The following UBE2E3 variants were observed in gnomAD, a reference collection of about 807,000 sequenced individuals.
UBE2E3 encodes ubiquitin conjugating enzyme E2 E3.
A neutral mutation model predicts 23.6 loss-of-function variants in UBE2E3; 5 were observed. The observed-to-expected ratio is 0.21, with a 90% CI of 0.11 to 0.44. UBE2E3 has a LOEUF of 0.44. Among genes scored for constraint, UBE2E3 ranks in the 20% least tolerant of loss-of-function variants. UBE2E3 has a pLI of 0.99. For missense variants in UBE2E3, 81 were observed against 249.8 expected (o/e 0.32, Z 4.55); for synonymous variants, 78 against 87.5 (o/e 0.89, Z 0.60).
chr2:180,985,688 A>G (rs1684440812), intron 3 of UBE2E3, among the ~76,000 whole-genome samples: 1 of 152,172 alleles, frequency 6.6e-6, no homozygotes, highest in African/African-American at 2.4e-5. Flanking sequence ...TGGAAGAATC[A>G]CTTAACTTGC....
At chr2:181,039,312 C>A (rs566160447) in intron 3 of UBE2E3, among the ~76,000 whole-genome samples, 1 of 151,948 alleles carries the variant, frequency 6.6e-6, no homozygotes, top group East Asian at 1.9e-4. Flanking sequence ...TACTTCAAAG[C>A]TGATTAAAAA....
rs538429255 is a variant in UBE2E3, at chr2:181,054,440, T to C, written c.246-3253T>C. Among the ~76,000 whole-genome samples, 3 of 151,954 alleles carry C rather than the reference T, an allele frequency of 2.0e-5. No homozygotes were observed. The South Asian group carries it at 6.2e-4, about 31-fold the overall frequency. ...TGGATTTGGGCCATTCTAATAGGTG[T>C]GTAGTGGCATGCTTTTCTTGTTTTA... On this transcript the variant is annotated intron_variant, in intron 3 of 5. Coordinates refer to ENST00000410062, the MANE Select transcript of UBE2E3 (RefSeq NM_006357.4).
At chr2:181,027,002 AATT>A (rs1367115090) in intron 3 of UBE2E3, among the ~76,000 whole-genome samples, 12 of 151,904 alleles carry the variant, frequency 7.9e-5, no homozygotes, top group Admixed American at 7.2e-4. Flanking sequence ...TCATGAAGGT[AATT>A]ATTAGTAAAA....
rs143537685 is a variant in UBE2E3 at position 181,004,526 on chromosome 2, G to A, written c.245+20433G>A. 1.2e-3 allele frequency among the ~76,000 whole-genome samples: 184 copies of A among 152,164 alleles called. 4 individuals are homozygous for A. The East Asian group carries it at 0.033, about 27-fold the overall frequency. ...TATGCACCTGTAGTCTCAGCTACTC[G>A]GGAGGCTGAGGCAGGAGAATCACTT... On this transcript the variant is annotated intron_variant, in intron 3 of 5. Transcript: ENST00000410062.
intron 3 of UBE2E3, among the ~76,000 whole-genome samples, chr2:181,027,024 G>A (rs1360397753): frequency 6.6e-6 from 1 of 151,960 alleles, no homozygotes; most frequent in South Asian, 2.1e-4. Flanking sequence ...AAAAATTTGT[G>A]CAGAGAATTG....
At chr2:180,994,040 T>C (rs1684755331) in intron 3 of UBE2E3, among the ~76,000 whole-genome samples, 1 of 152,190 alleles carries the variant, frequency 6.6e-6, no homozygotes, top group South Asian at 2.1e-4. Context: ...ATGTAATTTA[T>C]ATGGAATTCA....
intron 4 of UBE2E3, among the ~76,000 whole-genome samples, chr2:181,059,846 C>G (rs1333467396): frequency 1.3e-5 from 2 of 151,566 alleles, no homozygotes; most frequent in Admixed American, 6.6e-5. Context: ...TTAATGTTTT[C>G]CTCCCAGATT....
intron 3 of UBE2E3, among the ~76,000 whole-genome samples, chr2:181,032,942 GA>G (rs1328475548): frequency 1.3e-5 from 2 of 152,096 alleles, no homozygotes; most frequent in Non-Finnish European, 2.9e-5. Flanking sequence ...GCTTCAAAGA[GA>G]ATAAAATACC....
chr2:181,038,088 A>G (rs1193761701), intron 3 of UBE2E3, among the ~76,000 whole-genome samples: 1 of 152,196 alleles, frequency 6.6e-6, no homozygotes, highest in East Asian at 1.9e-4. Context: ...GCACAGATAC[A>G]TCCTACGCCT....
At chr2:181,054,086 C>G (rs778886884) in intron 3 of UBE2E3, among the ~76,000 whole-genome samples, 2 of 151,760 alleles carry the variant, frequency 1.3e-5, no homozygotes, top group Non-Finnish European at 2.9e-5. Context: ...TTTATATATC[C>G]ATTCACCTAC....
intron 3 of UBE2E3, among the ~76,000 whole-genome samples, chr2:181,027,176 T>G (rs1685920866): frequency 6.6e-6 from 1 of 151,958 alleles, no homozygotes; most frequent in Non-Finnish European, 1.5e-5. Context: ...GGTCTCTATT[T>G]TATGACTTAT....
intron 3 of UBE2E3, among the ~76,000 whole-genome samples, chr2:181,053,034 A>T (rs114323610): frequency 0.015 from 2,218 of 151,700 alleles, 57 homozygotes; most frequent in African/African-American, 0.051. Flanking sequence ...ACCACCCTTT[A>T]AGTTTCCAGG....
intron 3 of UBE2E3, among the ~76,000 whole-genome samples, chr2:181,049,592 T>G (rs1401236271): frequency 6.6e-6 from 1 of 151,978 alleles, no homozygotes; most frequent in Non-Finnish European, 1.5e-5. Context: ...TAATAGGCCT[T>G]AAGATAGACA....
rs1482398411 is a variant in UBE2E3, at chr2:180,982,034, T to G, written c.-9T>G. ...CTTTAAAAGTTTTCCAAGAGATAAC[T>G]TCACCAAGATGTCCAGTGATAGGCA... On this transcript the variant is annotated 5_prime_UTR_variant, in exon 2 of 6. Transcript: ENST00000410062. 5 of 1,598,956 alleles carry G rather than the reference T, an allele frequency of 3.1e-6. No homozygotes were observed. Among genetic ancestry groups the G allele is most frequent in the Non-Finnish European group, 4.3e-6 (5 of 1,175,102 alleles).
intron 3 of UBE2E3, among the ~76,000 whole-genome samples, chr2:181,019,192 T>G (rs1685594711): frequency 6.6e-6 from 1 of 152,186 alleles, no homozygotes; most frequent in African/African-American, 2.4e-5. Flanking sequence ...ATTCCTGACC[T>G]CAAGGGATCC....
intron 3 of UBE2E3, among the ~76,000 whole-genome samples, chr2:181,039,123 C>CT (rs11289425): frequency 0.027 from 1,788 of 66,232 alleles, 20 homozygotes; most frequent in East Asian, 0.037. Context: ...AGAATGTGAC[C>CT]TTTTTTTTTT....
intron 2 of UBE2E3, among the ~76,000 whole-genome samples, chr2:180,983,294 A>G (rs1161004377): frequency 1.3e-5 from 2 of 152,228 alleles, no homozygotes; most frequent in Non-Finnish European, 2.9e-5. Context: ...TTTGAATGGC[A>G]GCAGTCTTTG....
At chr2:181,014,997 A>AATC (rs1378341718) in intron 3 of UBE2E3, among the ~76,000 whole-genome samples, 1 of 152,212 alleles carries the variant, frequency 6.6e-6, no homozygotes, top group African/African-American at 2.4e-5. Context: ...ATGCCTGATG[A>AATC]AGCAGCCCTT....
intron 3 of UBE2E3, among the ~76,000 whole-genome samples, chr2:181,024,197 C>T (rs1405890144): frequency 1.3e-5 from 2 of 152,126 alleles, no homozygotes; most frequent in Non-Finnish European, 2.9e-5. Context: ...TTAATATCTT[C>T]ATTTGTCTTC....
Sources: gnomAD v4.1 joint callset for allele counts (sites outside exome capture counted in the v4.1 genomes callset) on GRCh38, gnomAD v4.1.1 for gene constraint, MANE v1.5 for transcripts, NCBI Gene and HGNC (gene_info 2026-07-23, HGNC 2026-07-21) for gene names.